The following TMEM135 variants were observed in gnomAD, a reference collection of about 807,000 sequenced individuals.
TMEM135 encodes the protein peroxisomal membrane protein 52.
A neutral mutation model predicts 60.3 loss-of-function variants in TMEM135; 30 were observed. That is an observed-to-expected ratio of 0.50 (90% CI 0.37 to 0.68). The LOEUF is 0.68. TMEM135 is among the 30% of genes least tolerant of loss of function. The probability of loss-of-function intolerance (pLI) is 0.00; values close to 1 mark genes in which losing one functional copy is unlikely to be tolerated. For synonymous variants in TMEM135, 190 were observed against 186.7 expected (o/e 1.02, Z -0.14); for missense variants, 468 against 548.8 (o/e 0.85, Z 1.47).
Position 87,309,697 on chromosome 11 carries a change from A to C in TMEM135, c.936+25A>C. Reference sequence around the variant, plus strand: ...GGTAAGGCTTTTAGAAGAGGAAAGAAAAATGGGAAATAAATAACATTGCTA... The same window carrying C: ...GGTAAGGCTTTTAGAAGAGGAAAGACAAATGGGAAATAAATAACATTGCTA... On this transcript the variant is annotated intron_variant, in intron 10 of 14. Transcript: ENST00000305494. 3.1e-6 allele frequency: 5 copies of C among 1,609,304 alleles called. No homozygotes were observed. In the African/African-American group the frequency reaches 4.0e-5, roughly 13 times the overall value.
intron 1 of TMEM135, among the ~76,000 whole-genome samples, chr11:87,044,861 A>C (rs1024347199): frequency 6.6e-6 from 1 of 151,404 alleles, no homozygotes; most frequent in Non-Finnish European, 1.5e-5. Flanking sequence ...ATTGGCCAGG[A>C]TGGTCTCCAT....
intron 6 of TMEM135, among the ~76,000 whole-genome samples, chr11:87,262,690 CA>C (rs1314916803): frequency 6.6e-6 from 1 of 152,160 alleles, no homozygotes; most frequent in East Asian, 1.9e-4. Context: ...AGCTCTGTTT[CA>C]TGCTGCAGGT....
chr11:87,054,106 A>T (rs1007866542), intron 1 of TMEM135, among the ~76,000 whole-genome samples: 1 of 152,240 alleles, frequency 6.6e-6, no homozygotes. Flanking sequence ...TAAATTAAAG[A>T]AGATTTTAAC....
chr11:87,208,395 A>T (rs1940285095), intron 5 of TMEM135, among the ~76,000 whole-genome samples: 1 of 152,236 alleles, frequency 6.6e-6, no homozygotes, highest in South Asian at 2.1e-4. Flanking sequence ...GAAATGAAAA[A>T]TTCACTACAG....
intron 4 of TMEM135, among the ~76,000 whole-genome samples, chr11:87,118,441 C>T (rs764612928): frequency 8.6e-5 from 13 of 151,904 alleles, no homozygotes; most frequent in Non-Finnish European, 1.3e-4. Context: ...TGGATAACTT[C>T]CTGTAGCTTT....
intron 5 of TMEM135, among the ~76,000 whole-genome samples, chr11:87,218,986 A>G (rs781578685): frequency 4.6e-5 from 7 of 152,194 alleles, no homozygotes; most frequent in Non-Finnish European, 1.0e-4. Context: ...TAAAATTTAC[A>G]AGTTGTCATT....
At chr11:87,076,442 C>T (rs1042558585) in intron 3 of TMEM135, among the ~76,000 whole-genome samples, 1 of 152,196 alleles carries the variant, frequency 6.6e-6, no homozygotes, top group Non-Finnish European at 1.5e-5. Context: ...AGTAGGCCCC[C>T]CCTCTGGCCT....
chr11:87,203,032 C>CAAAAAAAAA (rs534909524), intron 5 of TMEM135, among the ~76,000 whole-genome samples: 19 of 33,588 alleles, frequency 5.7e-4, no homozygotes, highest in African/African-American at 1.5e-3. Flanking sequence ...GACTCCGTCT[C>CAAAAAAAAA]AAAAAAAAAA....
At chr11:87,074,875 AT>A (rs1208729043) in intron 3 of TMEM135, among the ~76,000 whole-genome samples, 2 of 152,068 alleles carry the variant, frequency 1.3e-5, no homozygotes, top group South Asian at 4.2e-4. Flanking sequence ...TTTTAATGCT[AT>A]TTTTTTGAAC....
At chr11:87,060,647 CTTT>C (rs11459506) in intron 1 of TMEM135, among the ~76,000 whole-genome samples, 1 of 143,530 alleles carries the variant, frequency 7.0e-6, no homozygotes, top group Non-Finnish European at 1.5e-5. Flanking sequence ...TTTTTCTTTC[CTTT>C]TTTTTTTTTT....
chr11:87,309,750 C>A, intron 10 of TMEM135, 78 bp downstream of exon 10: 1 of 1,478,300 alleles, frequency 6.8e-7, no homozygotes, highest in South Asian at 1.2e-5. Context: ...GGCCTTAGTT[C>A]ACTTATTTTT....
chr11:87,056,753 G>A (rs1204814060), intron 1 of TMEM135, among the ~76,000 whole-genome samples: 3 of 152,102 alleles, frequency 2.0e-5, no homozygotes, highest in Non-Finnish European at 4.4e-5. Flanking sequence ...TGAACTCTTA[G>A]TGTTCATGAG....
intron 6 of TMEM135, among the ~76,000 whole-genome samples, chr11:87,288,799 G>A (rs994425364): frequency 6.6e-5 from 10 of 152,042 alleles, no homozygotes; most frequent in Admixed American, 2.0e-4. Flanking sequence ...TGCCTCTGAA[G>A]AAATACTTTT....
intron 4 of TMEM135, among the ~76,000 whole-genome samples, chr11:87,103,484 T>G (rs1022423056): frequency 4.1e-5 from 5 of 122,228 alleles, no homozygotes; most frequent in African/African-American, 1.8e-4. Flanking sequence ...TTTTTTTGTT[T>G]TTTTTTTTTG....
At chr11:87,128,826 A>T (rs1249790604) in intron 4 of TMEM135, among the ~76,000 whole-genome samples, 1 of 152,206 alleles carries the variant, frequency 6.6e-6, no homozygotes, top group East Asian at 1.9e-4. Context: ...GTTTGTAATT[A>T]TGAAAACTCA....
chr11:87,279,805 C>T lies in TMEM135; in HGVS notation c.510-15977C>T, dbSNP rs543267371. 1.7e-4 allele frequency among the ~76,000 whole-genome samples: 26 copies of T among 152,314 alleles called. 1 individual carries two copies. Among genetic ancestry groups the T allele is most frequent in the African/African-American group, 5.8e-4 (24 of 41,578 alleles). ...ACATTAATGATGTGACTTTATTATT[C>T]ACATACACACAGAACAATATCTAGA... On this transcript the variant is annotated intron_variant, in intron 6 of 14. Transcript: ENST00000305494.
intron 1 of TMEM135, among the ~76,000 whole-genome samples, chr11:87,059,911 C>G (rs545335213): frequency 2.6e-5 from 4 of 152,126 alleles, no homozygotes; most frequent in African/African-American, 9.7e-5. Context: ...GTCAGGAGTT[C>G]GAGACCAGCC....
In TMEM135 at chr11:87,326,930, T is replaced by TTTTA; in HGVS notation, c.*5597_*5598insTTTA. 1 of 389,070 alleles carries TTTTA rather than the reference T, an allele frequency of 2.6e-6. No homozygotes were observed. The highest frequency in any genetic ancestry group is 1.8e-5 in the South Asian group (1 of 54,612). 24.1% of individuals were successfully genotyped at this position (389,070 alleles called of 1,614,324 possible). On this transcript the variant is annotated 3_prime_UTR_variant, in exon 15 of 15. Transcript: ENST00000305494. ...GAGGACCTTTTTTTTTTTTTTTTTT[T>TTTTA]CACTAAAACGCTTCCTATAACTTGG...
At chr11:87,288,701 T>C (rs1345452343) in intron 6 of TMEM135, among the ~76,000 whole-genome samples, 1 of 152,242 alleles carries the variant, frequency 6.6e-6, no homozygotes, top group East Asian at 1.9e-4. Context: ...AGCCCTAAAG[T>C]TAAGTGATTT....
Sources: allele counts gnomAD v4.1 joint callset (sites outside exome capture counted in the v4.1 genomes callset), GRCh38; gene constraint gnomAD v4.1.1; transcripts MANE v1.5; gene names NCBI Gene and HGNC (gene_info 2026-07-23, HGNC 2026-07-21).